The following SGMS1 variants were observed in gnomAD, a reference collection of about 807,000 sequenced individuals.
SGMS1 encodes phosphatidylcholine:ceramide cholinephosphotransferase 1.
A neutral mutation model predicts 46.2 loss-of-function variants in SGMS1; 13 were observed. The observed-to-expected ratio is 0.28, with a 90% CI of 0.18 to 0.45. The LOEUF is 0.45. Among genes scored for constraint, SGMS1 ranks in the 20% least tolerant of loss-of-function variants. The pLI, the probability that SGMS1 is intolerant of heterozygous loss-of-function variation, is 1.00. For synonymous variants in SGMS1, 203 were observed against 187.8 expected, an observed-to-expected ratio of 1.08 and a Z score of -0.66; for missense variants, 324 against 519.9, an observed-to-expected ratio of 0.62 and a Z score of 3.66.
rs534402438 is a variant in SGMS1, at chr10:50,306,219, A to T, written c.*923T>A. On this transcript the variant is annotated 3_prime_UTR_variant, in exon 11 of 11. Transcript: ENST00000361781. ...TGTGAACAGGCTCTGACTCTAATTA[A>T]CAACCTCATTATTTAAGTCATTGCA... 7.9e-5 allele frequency: 12 copies of T among 152,694 alleles called. No homozygotes were observed. The East Asian group carries it at 2.1e-3, about 26-fold the overall frequency. The allele number at this position is 152,694 out of a possible 1,614,324, so 9.5% of individuals were successfully genotyped here.
upstream of SGMS1, chr10:50,624,197 C>A (rs1838889949): frequency 1.2e-5 from 10 of 863,044 alleles, no homozygotes; most frequent in Middle Eastern, 5.8e-4. Context: ...TTTTTAGGGG[C>A]CCACTAAGTA....
intron 1 of SGMS1, among the ~76,000 whole-genome samples, chr10:50,591,568 T>G (rs1838541353): frequency 1.3e-5 from 2 of 152,192 alleles, no homozygotes; most frequent in Non-Finnish European, 2.9e-5. Context: ...CTTAATGTAT[T>G]TTTGCCATTT....
chr10:50,574,545 G>T (rs1011412010), intron 2 of SGMS1, among the ~76,000 whole-genome samples: 1 of 152,154 alleles, frequency 6.6e-6, no homozygotes, highest in Non-Finnish European at 1.5e-5. Flanking sequence ...CTACTGGTGG[G>T]AATGTAAATT....
chr10:50,309,957 T>G (rs995119330), intron 9 of SGMS1, among the ~76,000 whole-genome samples: 1 of 152,108 alleles, frequency 6.6e-6, no homozygotes, highest in Non-Finnish European at 1.5e-5. Context: ...CTAACTTTTC[T>G]CCCGGTCTCC....
intron 3 of SGMS1, among the ~76,000 whole-genome samples, chr10:50,467,962 C>A (rs1309401340): frequency 1.3e-5 from 2 of 152,040 alleles, no homozygotes; most frequent in Non-Finnish European, 2.9e-5. Flanking sequence ...TTCCTGTTGT[C>A]CAGGAGGAAT....
At chr10:50,470,205 C>A (rs2133700185) in intron 3 of SGMS1, among the ~76,000 whole-genome samples, 1 of 152,154 alleles carries the variant, frequency 6.6e-6, no homozygotes, top group Admixed American at 6.5e-5. Context: ...TATAGAGAGA[C>A]CAGGAAGAGC....
intron 2 of SGMS1, among the ~76,000 whole-genome samples, chr10:50,543,068 A>G (rs1258594923): frequency 1.3e-5 from 2 of 152,156 alleles, no homozygotes; most frequent in Non-Finnish European, 2.9e-5. Context: ...CACAATCCAG[A>G]CAGTACAGGG....
chr10:50,488,280 G>T (rs1837539612), intron 3 of SGMS1, among the ~76,000 whole-genome samples: 1 of 151,940 alleles, frequency 6.6e-6, no homozygotes, highest in African/African-American at 2.4e-5. Flanking sequence ...ACCCAAACTG[G>T]CTGGGATTAC....
chr10:50,542,695 G>GAT (rs1196568557), intron 2 of SGMS1, among the ~76,000 whole-genome samples: 1 of 147,036 alleles, frequency 6.8e-6, no homozygotes, highest in Non-Finnish European at 1.5e-5. Context: ...AGGGGAGAGA[G>GAT]ATATATATAA....
intron 1 of SGMS1, among the ~76,000 whole-genome samples, chr10:50,595,796 G>A (rs1404848261): frequency 6.6e-6 from 1 of 152,162 alleles, no homozygotes; most frequent in Admixed American, 6.5e-5. Flanking sequence ...TGTTCCTAGT[G>A]ACAGTAGCTT....
At chr10:50,607,543 T>C (rs1394548706) in intron 1 of SGMS1, among the ~76,000 whole-genome samples, 1 of 152,214 alleles carries the variant, frequency 6.6e-6, no homozygotes, top group Non-Finnish European at 1.5e-5. Flanking sequence ...ACAGCTCTGT[T>C]ATCTTGAAAG....
intron 8 of SGMS1, among the ~76,000 whole-genome samples, chr10:50,322,688 C>A (rs533298337): frequency 6.6e-6 from 1 of 150,978 alleles, no homozygotes; most frequent in Non-Finnish European, 1.5e-5. Context: ...AAAAATTAGC[C>A]GGGCGCGGTG....
intron 3 of SGMS1, among the ~76,000 whole-genome samples, chr10:50,479,438 G>C (rs923227555): frequency 1.3e-5 from 2 of 152,164 alleles, no homozygotes; most frequent in African/African-American, 4.8e-5. Flanking sequence ...AGGCAAAACA[G>C]AAATCTAGCA....
intron 2 of SGMS1, among the ~76,000 whole-genome samples, chr10:50,560,565 CAT>C (rs1265127287): frequency 4.9e-5 from 7 of 143,998 alleles, no homozygotes; most frequent in African/African-American, 1.8e-4. Flanking sequence ...TATTATATGA[CAT>C]ATATACATAA....
chr10:50,497,964 C>T (rs1382401728), intron 3 of SGMS1, among the ~76,000 whole-genome samples: 5 of 152,120 alleles, frequency 3.3e-5, no homozygotes, highest in Non-Finnish European at 2.9e-5. Flanking sequence ...TTATATTTTG[C>T]TTTTCCTCTC....
intron 6 of SGMS1, among the ~76,000 whole-genome samples, chr10:50,396,231 A>G (rs947881952): frequency 1.3e-5 from 2 of 152,114 alleles, no homozygotes; most frequent in Non-Finnish European, 2.9e-5. Context: ...ACCCCTCTAG[A>G]GGTCCAAGCT....
chr10:50,380,240 AC>A (rs1848581414), intron 6 of SGMS1, among the ~76,000 whole-genome samples: 1 of 151,818 alleles, frequency 6.6e-6, no homozygotes, highest in Non-Finnish European at 1.5e-5. Context: ...AATTAGCCAG[AC>A]ATGGTGGTAT....
chr10:50,477,716 T>C (rs959452753), intron 3 of SGMS1, among the ~76,000 whole-genome samples: 21 of 152,186 alleles, frequency 1.4e-4, no homozygotes, highest in African/African-American at 4.1e-4. Context: ...TCCCTAGTGC[T>C]GTCTCATGAT....
In SGMS1 at chr10:50,623,930, G is replaced by T. The variant is rs951869525; in HGVS notation, c.-907C>A. Reference sequence around the variant, plus strand: ...CTGCCCCGCTGGTGCGAACGCTTTCGACTTGCCACCGCGAGCCTCCCGGGC... The same window carrying T: ...CTGCCCCGCTGGTGCGAACGCTTTCTACTTGCCACCGCGAGCCTCCCGGGC... On this transcript the variant is annotated 5_prime_UTR_variant, in exon 1 of 11. Transcript: ENST00000361781. 3.0e-6 allele frequency: 3 copies of T among 986,362 alleles called. No homozygotes were observed. The African/African-American group carries it at 5.2e-5, about 17-fold the overall frequency. 61.1% of individuals were successfully genotyped at this position (986,362 alleles called of 1,614,324 possible).
Sources: gnomAD v4.1 joint callset for allele counts (sites outside exome capture counted in the v4.1 genomes callset) on GRCh38, gnomAD v4.1.1 for gene constraint, MANE v1.5 for transcripts, NCBI Gene and HGNC (gene_info 2026-07-23, HGNC 2026-07-21) for gene names.